The following COL22A1 variants were observed in gnomAD, a reference collection of about 807,000 sequenced individuals.
COL22A1 encodes collagen alpha-1(XXII) chain.
In COL22A1, 221 loss-of-function variants were observed where a neutral mutation model predicts 248.9. That is an observed-to-expected ratio of 0.89 (90% CI 0.80 to 0.99). The LOEUF (loss-of-function observed/expected upper bound fraction) is 0.99. Among genes scored for constraint, COL22A1 ranks in the 50% least tolerant of loss-of-function variants. The pLI, the probability that COL22A1 is intolerant of heterozygous loss-of-function variation, is 0.00. For missense variants in COL22A1, 2,240 were observed against 2,179.0 expected (o/e 1.03, Z -0.56); for synonymous variants, 891 against 793.4 (o/e 1.12, Z -2.07).
chr8:138,820,120 G>A (rs13279213), intron 7 of COL22A1, among the ~76,000 whole-genome samples: 39,757 of 151,888 alleles, frequency 0.26, 5,639 homozygotes, highest in African/African-American at 0.37. Context: ...TTAGACACAT[G>A]ATTTTGAGTA....
intron 12 of COL22A1, among the ~76,000 whole-genome samples, chr8:138,790,258 C>A (rs1815912136): frequency 6.6e-6 from 1 of 152,170 alleles, no homozygotes; most frequent in African/African-American, 2.4e-5. Flanking sequence ...GTGAAAAGGA[C>A]AAACGGGCTC....
chr8:138,821,324 C>G lies in COL22A1; in HGVS notation c.1057G>C (p.Gly353Arg), dbSNP rs1586825667. Reference protein sequence around the residue: ...MKDAVRVVFRGSRVNDLFDRD... With the variant: ...MKDAVRVVFRRSRVNDLFDRD... ...TCAAAGAGGTCATTGACCCGAGAACCTCGGAAGACCACCCTGACAGCATCT... is the reference window on the plus strand; with the variant it reads ...TCAAAGAGGTCATTGACCCGAGAACGTCGGAAGACCACCCTGACAGCATCT... The change falls in exon 7 of 65, where the codon GGT (glycine) becomes CGT (arginine). Residue 353 changes from glycine (G) to arginine (R), a missense_variant. Transcript: ENST00000303045. 1 of 1,614,200 alleles carries G rather than the reference C, an allele frequency of 6.2e-7. No individual in the cohort carries two copies. The highest frequency in any genetic ancestry group is 8.5e-7 in the Non-Finnish European group (1 of 1,180,028).
chr8:138,707,844 T>C (rs1828602931), intron 30 of COL22A1, among the ~76,000 whole-genome samples: 2 of 152,202 alleles, frequency 1.3e-5, no homozygotes, highest in East Asian at 3.8e-4. Context: ...GGAAGTCAAA[T>C]TGTCCCTGTT....
At chr8:138,669,828 G>A (rs1824856983) in intron 41 of COL22A1, among the ~76,000 whole-genome samples, 1 of 151,562 alleles carries the variant, frequency 6.6e-6, no homozygotes, top group African/African-American at 2.4e-5. Context: ...AGAGGTGGCA[G>A]TAGAAACTTA....
rs10088597 is a variant in COL22A1, at chr8:138,746,665, T to G, written c.2085+4793A>C. Among the ~76,000 whole-genome samples, 1,061 of 152,346 alleles carry G rather than the reference T, an allele frequency of 7.0e-3. 15 individuals carry two copies. The highest frequency in any genetic ancestry group is 0.024 in the African/African-American group (995 of 41,582). On this transcript the variant is annotated intron_variant, in intron 22 of 64. Transcript: ENST00000303045. ...AAGACAAGCGGGGAGCCATCCTCTG[T>G]GTTGCTCTGCACCCTGTGCTAATGC... is the stretch of plus-strand genomic sequence containing the variant.
At chr8:138,752,135 C>A (rs1286279931) in intron 21 of COL22A1, among the ~76,000 whole-genome samples, 2 of 152,164 alleles carry the variant, frequency 1.3e-5, no homozygotes, top group Non-Finnish European at 2.9e-5. Context: ...GATGATACAA[C>A]CACCTACTGA....
intron 63 of COL22A1, 80 bp downstream of exon 63, chr8:138,593,937 T>C (rs1587620969): frequency 8.9e-7 from 1 of 1,117,492 alleles, no homozygotes; most frequent in South Asian, 1.9e-5. Context: ...GAATAATGCA[T>C]GCAGTGCCAC....
chr8:138,885,569 G>GT (rs35187277), intron 1 of COL22A1, among the ~76,000 whole-genome samples: 20,708 of 151,788 alleles, frequency 0.14, 1,809 homozygotes, highest in African/African-American at 0.24. Context: ...GTATCACACA[G>GT]TTTTTTTTGT....
rs144775831 is a variant in COL22A1 at position 138,904,187 on chromosome 8, T to G, written c.-73+9432A>C. ...CAGAGCTCACACGGGGAGTCCCTGCTTCTTAAACTGCTTTCTGGGCTCTAT... is the reference window on the plus strand; with the variant it reads ...CAGAGCTCACACGGGGAGTCCCTGCGTCTTAAACTGCTTTCTGGGCTCTAT... On this transcript the variant is annotated intron_variant, in intron 1 of 64. Coordinates refer to ENST00000303045, the MANE Select transcript of COL22A1 (RefSeq NM_152888.3). Among the ~76,000 whole-genome samples, 1,275 of 152,282 alleles carry G rather than the reference T, an allele frequency of 8.4e-3. 18 individuals carry two copies. Among genetic ancestry groups the G allele is most frequent in the African/African-American group, 0.029 (1,204 of 41,538 alleles).
chr8:138,781,716 G>A (rs1419193731), intron 12 of COL22A1, among the ~76,000 whole-genome samples: 1 of 152,062 alleles, frequency 6.6e-6, no homozygotes, highest in African/African-American at 2.4e-5. Context: ...GGTAACTCCA[G>A]CACCTCTAAG....
chr8:138,692,278 A>G (rs1587878330), intron 35 of COL22A1, among the ~76,000 whole-genome samples: 6 of 3,726 alleles, frequency 1.6e-3, no homozygotes, highest in Admixed American at 3.0e-3. Flanking sequence ...GTTTGTGTGC[A>G]CATGCATGTG....
rs573542133 is a variant in COL22A1, at chr8:138,779,533, C to G, written c.1680G>C (p.Gly560=). The part of the protein sequence containing the change: ...RGEPGELGEP[G]LPGEVGMRGP... ...CCCGCATGCCGACCTCACCCGGCAG[C>G]CCCGGCTCTCCCAGCTCTCCTGGCT... The change falls in exon 14 of 65, where the codon GGG becomes GGC. Residue 560 remains glycine, a synonymous_variant. Transcript: ENST00000303045. The G allele has an allele frequency of 1.1e-5, 17 of 1,613,486 alleles. No homozygotes were observed. The East Asian group carries it at 3.6e-4, about 34-fold the overall frequency.
chr8:138,804,770 T>TGTGTGTGATGAGGTGCGTGTG (rs1563784291), intron 10 of COL22A1, among the ~76,000 whole-genome samples: 2 of 136,838 alleles, frequency 1.5e-5, no homozygotes, highest in Non-Finnish European at 1.6e-5. Context: ...GTGATGGGTG[T>TGTGTGTGATGAGGTGCGTGTG]GTGTGTGATG....
intron 3 of COL22A1, among the ~76,000 whole-genome samples, chr8:138,855,498 T>G (rs527885823): frequency 6.6e-6 from 1 of 152,142 alleles, no homozygotes; most frequent in African/African-American, 2.4e-5. Context: ...TCCTCCCCGT[T>G]TGAGTGCAGT....
At chr8:138,768,159 T>TC (rs1337238192) in intron 16 of COL22A1, among the ~76,000 whole-genome samples, 5 of 152,116 alleles carry the variant, frequency 3.3e-5, no homozygotes, top group African/African-American at 4.8e-5. Flanking sequence ...CAAAGTGGTC[T>TC]CCCCAAAATC....
chr8:138,747,269 G>C (rs573005029), intron 22 of COL22A1, among the ~76,000 whole-genome samples: 104 of 152,296 alleles, frequency 6.8e-4, no homozygotes, highest in African/African-American at 2.3e-3. Flanking sequence ...TGCATTTAGG[G>C]TATATGAAGG....
At chr8:138,872,671 G>T (rs780312761) in intron 3 of COL22A1, among the ~76,000 whole-genome samples, 3 of 152,242 alleles carry the variant, frequency 2.0e-5, no homozygotes, top group Non-Finnish European at 4.4e-5. Context: ...GGAAGCTGAG[G>T]CTGAGATTGC....
chr8:138,888,716 A>G (rs559399922), intron 1 of COL22A1, among the ~76,000 whole-genome samples: 191 of 152,324 alleles, frequency 1.3e-3, no homozygotes, highest in African/African-American at 4.4e-3. Flanking sequence ...TCAGGGTTCC[A>G]AGGTCAGGAG....
intron 16 of COL22A1, among the ~76,000 whole-genome samples, chr8:138,768,098 T>G (rs1834049597): frequency 6.6e-6 from 1 of 152,158 alleles, no homozygotes; most frequent in Admixed American, 6.5e-5. Flanking sequence ...CCCCACAGCC[T>G]CCTGGCCCTC....
Sources: allele counts gnomAD v4.1 joint callset (sites outside exome capture counted in the v4.1 genomes callset), GRCh38; gene constraint gnomAD v4.1.1; transcripts MANE v1.5; gene names NCBI Gene and HGNC (gene_info 2026-07-23, HGNC 2026-07-21).